Variants in LOXHD1 observed in about 807,000 individuals in gnomAD.
LOXHD1 encodes lipoxygenase homology PLAT domains 1.
LOXHD1 carries 205 observed loss-of-function variants against 248.2 expected under a neutral mutation model. The observed-to-expected ratio is 0.83, with a 90% CI of 0.74 to 0.93. LOXHD1 has a LOEUF of 0.93. Ranked by LOEUF, LOXHD1 falls within the 40% of genes least tolerant of loss-of-function variation. The pLI is 0.00. For synonymous variants in LOXHD1, 1,113 were observed against 1,162.8 expected, an observed-to-expected ratio of 0.96 and a Z score of 0.87; for missense variants, 2,930 against 2,971.6, an observed-to-expected ratio of 0.99 and a Z score of 0.33.
intron 39 of LOXHD1, among the ~76,000 whole-genome samples, chr18:46,484,568 T>C (rs1358529744): frequency 6.6e-6 from 1 of 152,158 alleles, no homozygotes; most frequent in Non-Finnish European, 1.5e-5. Flanking sequence ...TACATTTCTG[T>C]TGTTTCTAAG....
Position 46,477,760 on chromosome 18 carries a change from G to T in LOXHD1, c.6534C>A (p.Ile2178=), listed in dbSNP as rs1227512428. The T allele has an allele frequency of 3.9e-6, 6 of 1,551,796 alleles. No homozygotes were observed. Residue 2178 remains isoleucine (I), a synonymous_variant, in exon 41 of 41, where the codon ATC becomes ATA. Coordinates refer to ENST00000642948, the MANE Select transcript of LOXHD1 (RefSeq NM_001384474.1). The part of the protein sequence containing the change: ...AGTDANVFVT[I]FGANGDTGKR... ...TGCCTGTGTCTCCGTTGGCCCCAAAGATGGTCACGAAGACGTTGGCATCAG... is the reference window on the plus strand; with the variant it reads ...TGCCTGTGTCTCCGTTGGCCCCAAATATGGTCACGAAGACGTTGGCATCAG...
intron 7 of LOXHD1, 157 bp from the exon 8 acceptor site, chr18:46,601,624 G>A: frequency 3.0e-6 from 3 of 987,432 alleles, no homozygotes; most frequent in Non-Finnish European, 4.6e-6. Context: ...GCCACCTAAT[G>A]TCCCTCTCGA....
intron 37 of LOXHD1, among the ~76,000 whole-genome samples, chr18:46,499,218 G>A (rs953009006): frequency 2.0e-5 from 3 of 152,218 alleles, no homozygotes; most frequent in African/African-American, 7.2e-5. Flanking sequence ...AGAAGTTTAG[G>A]AGCACAGAGT....
Position 46,591,915 on chromosome 18 carries a change from G to C in LOXHD1, c.1654+18C>G, listed in dbSNP as rs879112235. The C allele has an allele frequency of 9.0e-6, 14 of 1,551,386 alleles. No homozygotes were observed. The South Asian group carries it at 1.3e-4, about 15-fold the overall frequency. ...GAGTTCCACTGCCTCCCAGGATGGA[G>C]AGCCTGTCAGTACTTACTGCCCATG... On this transcript the variant is annotated intron_variant, in intron 12 of 40. Transcript: ENST00000642948.
chr18:46,610,734 C>G, intron 6 of LOXHD1, 42 bp downstream of exon 6: 1 of 1,509,542 alleles, frequency 6.6e-7, no homozygotes, highest in South Asian at 1.3e-5. Context: ...GAAGGCCCCC[C>G]TTCCAAGGCC....
Position 46,485,018 on chromosome 18 carries a change from C to A in LOXHD1, c.6182+1G>T, listed in dbSNP as rs200375658. ...ACTTCCCATGGGCCTCCCCTTCCTACTTCCTAAAGGCCCGCTGCCTAGAAG... is the reference window on the plus strand; with the variant it reads ...ACTTCCCATGGGCCTCCCCTTCCTAATTCCTAAAGGCCCGCTGCCTAGAAG... On this transcript the variant is annotated splice_donor_variant, in intron 39 of 40. Transcript: ENST00000642948. LOFTEE classifies it high-confidence loss of function. The A allele has an allele frequency of 1.3e-6, 2 of 1,549,878 alleles. No individual in the cohort carries two copies. The highest frequency in any genetic ancestry group is 1.7e-6 in the Non-Finnish European group (2 of 1,145,532).
chr18:46,591,859 C>A (rs2038174829), intron 12 of LOXHD1, 74 bp downstream of exon 12: 6 of 1,523,766 alleles, frequency 3.9e-6, no homozygotes, highest in Non-Finnish European at 4.4e-6. Flanking sequence ...ACTCTCAGCT[C>A]ATAGGTCAGG....
intron 37 of LOXHD1, among the ~76,000 whole-genome samples, chr18:46,490,610 G>C (rs2033397221): frequency 6.6e-6 from 1 of 152,090 alleles, no homozygotes; most frequent in African/African-American, 2.4e-5. Flanking sequence ...CAAGTAGCTG[G>C]GATTACAGGC....
At chr18:46,654,468 G>A (rs11660878) in intron 1 of LOXHD1, among the ~76,000 whole-genome samples, 3,613 of 152,298 alleles carry the variant, frequency 0.024, 53 homozygotes, top group Non-Finnish European at 0.037. Flanking sequence ...TCTGGAATGA[G>A]TTATTCTTCC....
intron 9 of LOXHD1, 73 bp from the exon 10 acceptor site, chr18:46,593,833 G>A (rs1347844577): frequency 1.3e-5 from 20 of 1,508,354 alleles, no homozygotes; most frequent in Non-Finnish European, 1.7e-5. Flanking sequence ...GGGGAAGAAG[G>A]AAAAATCCAA....
chr18:46,639,927 T>C, intron 3 of LOXHD1, 127 bp from the exon 4 acceptor site: 1 of 1,177,862 alleles, frequency 8.5e-7, no homozygotes, highest in South Asian at 1.5e-5. Context: ...TTACTTTATC[T>C]CCTGAACCTC....
chr18:46,500,678 C>T (rs4890665), intron 37 of LOXHD1, among the ~76,000 whole-genome samples: 52,434 of 152,028 alleles, frequency 0.34, 9,417 homozygotes, highest in East Asian at 0.4. Context: ...ACATGGCTTA[C>T]AATATTATGC....
chr18:46,647,696 G>A (rs1568233579), intron 2 of LOXHD1, among the ~76,000 whole-genome samples: 6 of 152,288 alleles, frequency 3.9e-5, no homozygotes, highest in South Asian at 2.1e-4. Flanking sequence ...AAAATGGGAC[G>A]TTATACCTGC....
intron 13 of LOXHD1, 145 bp from the exon 14 acceptor site, chr18:46,578,012 A>G: frequency 2.6e-6 from 2 of 781,906 alleles, no homozygotes; most frequent in South Asian, 3.5e-5. Flanking sequence ...GGAGCTACCT[A>G]TAAAGCACAG....
intron 38 of LOXHD1, among the ~76,000 whole-genome samples, chr18:46,487,505 C>G (rs2033145722): frequency 6.6e-6 from 1 of 152,210 alleles, no homozygotes; most frequent in Non-Finnish European, 1.5e-5. Context: ...TTGGATTTTA[C>G]TGTCTTACGT....
chr18:46,613,788 G>T (rs1220119384), intron 5 of LOXHD1, among the ~76,000 whole-genome samples: 1 of 152,064 alleles, frequency 6.6e-6, no homozygotes, highest in African/African-American at 2.4e-5. Flanking sequence ...CATCTATCAA[G>T]ATAATTCTTT....
At chr18:46,571,827 A>G (rs1037208644) in intron 15 of LOXHD1, among the ~76,000 whole-genome samples, 1 of 152,136 alleles carries the variant, frequency 6.6e-6, no homozygotes, top group African/African-American at 2.4e-5. Flanking sequence ...AATGCTTGGC[A>G]CCATTGGCCA....
intron 12 of LOXHD1, among the ~76,000 whole-genome samples, chr18:46,587,409 T>C (rs983253991): frequency 6.6e-6 from 1 of 152,194 alleles, no homozygotes. Context: ...AGCAAAATGA[T>C]AAGGGAATTT....
At chr18:46,522,392 C>T (rs2035624789) in intron 31 of LOXHD1, 83 bp from the exon 32 acceptor site, 1 of 1,142,560 alleles carries the variant, frequency 8.8e-7, no homozygotes, top group South Asian at 1.5e-5. Context: ...TTGGAAGTGA[C>T]CTCTGAGGGC....
Sources: allele counts gnomAD v4.1 joint callset (sites outside exome capture counted in the v4.1 genomes callset), GRCh38; gene constraint gnomAD v4.1.1; transcripts MANE v1.5; gene names NCBI Gene and HGNC (gene_info 2026-07-23, HGNC 2026-07-21).